MYT1L: variants seen among roughly 807,000 people sequenced by gnomAD.
The protein encoded by MYT1L is myelin transcription factor 1-like protein.
In MYT1L, 12 loss-of-function variants were observed where a neutral mutation model predicts 126.7. The ratio of observed to expected loss-of-function variants is 0.09; its 90% CI spans 0.06 to 0.15. The LOEUF (loss-of-function observed/expected upper bound fraction) is 0.15, where lower values mean the gene tolerates loss of function less well. Ranked by LOEUF, MYT1L falls within the 10% of genes least tolerant of loss-of-function variation. The probability of loss-of-function intolerance (pLI) is 1.00; values close to 1 mark genes in which losing one functional copy is unlikely to be tolerated. For missense variants in MYT1L, 979 were observed against 1,585.2 expected (o/e 0.62, Z 6.49); for synonymous variants, 541 against 604.2 (o/e 0.90, Z 1.53).
chr2:2,209,557 T>C (rs1164454217), intron 2 of MYT1L, among the ~76,000 whole-genome samples: 1 of 152,244 alleles, frequency 6.6e-6, no homozygotes, highest in East Asian at 1.9e-4. Flanking sequence ...GTTCTAACCA[T>C]GTTCTTGTAA....
intron 3 of MYT1L, among the ~76,000 whole-genome samples, chr2:2,101,179 A>G (rs533220111): frequency 6.6e-6 from 1 of 152,268 alleles, no homozygotes; most frequent in Admixed American, 6.5e-5. Context: ...TTTGAGAGAA[A>G]GTGAATTTTA....
At chr2:1,820,023 G>A (rs2038277623) in intron 21 of MYT1L, among the ~76,000 whole-genome samples, 1 of 137,364 alleles carries the variant, frequency 7.3e-6, no homozygotes, top group Admixed American at 7.2e-5. Context: ...GCAGAGGGCA[G>A]AGGGCAGTGG....
intron 3 of MYT1L, among the ~76,000 whole-genome samples, chr2:2,145,090 G>A (rs1359086414): frequency 1.3e-5 from 2 of 152,172 alleles, no homozygotes; most frequent in Non-Finnish European, 2.9e-5. Flanking sequence ...TCTCTTACAA[G>A]GGCAAGAACC....
chr2:1,892,028 C>T lies in MYT1L; in HGVS notation c.2283+9G>A, dbSNP rs561338508. On this transcript the variant is annotated intron_variant, in intron 15 of 24. Coordinates refer to ENST00000647738, the MANE Select transcript of MYT1L (RefSeq NM_001303052.2). ...CGCCAGGTGGCTCCACCTGCCCAGG[C>T]GCGCGTACCCGCGTGGCGCACAGGT... is the stretch of plus-strand genomic sequence containing the variant. The T allele has an allele frequency of 8.6e-6, 13 of 1,512,148 alleles. No individual in the cohort carries two copies. In the South Asian group the frequency reaches 1.5e-4, roughly 17 times the overall value. 93.7% of individuals were successfully genotyped at this position (1,512,148 alleles called of 1,614,324 possible).
intron 4 of MYT1L, among the ~76,000 whole-genome samples, chr2:2,020,951 C>G (rs113998990): frequency 0.015 from 2,317 of 152,332 alleles, 51 homozygotes; most frequent in African/African-American, 0.049. Flanking sequence ...TCCAGAAGAC[C>G]GAGGACCTTC....
chr2:1,969,944 T>C (rs539963268), intron 8 of MYT1L, among the ~76,000 whole-genome samples: 1 of 152,210 alleles, frequency 6.6e-6, no homozygotes, highest in Non-Finnish European at 1.5e-5. Flanking sequence ...TTCCAGGTAC[T>C]GCAGGCAGCA....
chr2:2,326,234 A>G (rs2096244702), intron 1 of MYT1L: 1 of 152,330 alleles, frequency 6.6e-6, no homozygotes, highest in African/African-American at 2.4e-5. Flanking sequence ...GAGAGTCGAG[A>G]GCAGAACAGC....
At position 1,892,200 on chromosome 2, in the gene MYT1L, C is replaced by A. The variant is rs1477424656; in HGVS notation, c.2120G>T (p.Gly707Val). 1.3e-6 allele frequency: 2 copies of A among 1,549,928 alleles called. No individual in the cohort carries two copies. The highest frequency in any genetic ancestry group is 1.7e-6 in the Non-Finnish European group (2 of 1,146,562). ...GCACGTGCTGCTGGCGCTGCTGCCCCCGCCGCAGCTCAGGTTGCTGCTGCT... is the reference window on the plus strand; with the variant it reads ...GCACGTGCTGCTGGCGCTGCTGCCCACGCCGCAGCTCAGGTTGCTGCTGCT... ...PSSSSNLSCG[G>V]GSSASSTCSK... The change falls in exon 15 of 25, where the codon GGG becomes GTG. Residue 707 changes from glycine (G) to valine (V), a missense_variant. Physicochemically the swap from Gly to Val is moderately radical, Grantham distance 109. This residue lies in a region of MYT1L where 57 missense variants were observed against 60.3 expected (regional missense o/e 0.94). Coordinates refer to ENST00000647738, the MANE Select transcript of MYT1L (RefSeq NM_001303052.2).
intron 2 of MYT1L, among the ~76,000 whole-genome samples, chr2:2,265,856 C>A (rs2095115088): frequency 1.3e-5 from 2 of 152,122 alleles, no homozygotes; most frequent in Admixed American, 6.5e-5. Context: ...CTGATGGGAT[C>A]TGGGGCCCTA....
At chr2:2,329,094 A>T (rs1448417922) in intron 1 of MYT1L, among the ~76,000 whole-genome samples, 3 of 152,230 alleles carry the variant, frequency 2.0e-5, no homozygotes, top group African/African-American at 7.2e-5. Context: ...GCCTGCTCAC[A>T]ATAGCTCACT....
intron 2 of MYT1L, among the ~76,000 whole-genome samples, chr2:2,194,824 G>A (rs1017090291): frequency 2.6e-5 from 4 of 152,188 alleles, no homozygotes; most frequent in African/African-American, 4.8e-5. Context: ...TTAAAAATTG[G>A]ATAAATGTAT....
chr2:2,321,635 C>T (rs2096168646), intron 1 of MYT1L, among the ~76,000 whole-genome samples: 2 of 152,066 alleles, frequency 1.3e-5, no homozygotes, highest in South Asian at 2.1e-4. Context: ...GTTGAGATAA[C>T]GGCATGAAGG....
At chr2:2,327,930 T>C (rs2096261461) in intron 1 of MYT1L, among the ~76,000 whole-genome samples, 1 of 152,178 alleles carries the variant, frequency 6.6e-6, no homozygotes, top group African/African-American at 2.4e-5. Flanking sequence ...AGATTGTATA[T>C]TATGTATTTC....
chr2:2,318,150 A>T (rs1208243054), intron 1 of MYT1L, among the ~76,000 whole-genome samples: 1 of 152,230 alleles, frequency 6.6e-6, no homozygotes, highest in Non-Finnish European at 1.5e-5. Context: ...TGAAAATGTA[A>T]AGCATGAAAT....
chr2:1,793,551 C>T lies in MYT1L; in HGVS notation c.3277-1087G>A, dbSNP rs990631514. ...CCCTGCCTTCTCCTATGTTCTGGCC[C>T]TCCCTTGGCTGTACTGGGTCAAATC... On this transcript the variant is annotated intron_variant, in intron 23 of 24. Coordinates refer to ENST00000647738, the MANE Select transcript of MYT1L (RefSeq NM_001303052.2). This position sits in a 1 kb window ranked among gnomAD's most constrained non-coding sequence, Gnocchi z 4.6. 2.0e-5 allele frequency among the ~76,000 whole-genome samples: 3 copies of T among 152,212 alleles called. No homozygotes were observed. Among genetic ancestry groups the T allele is most frequent in the Non-Finnish European group, 2.9e-5 (2 of 68,044 alleles).
At chr2:2,305,782 G>T (rs146791185) in intron 1 of MYT1L, among the ~76,000 whole-genome samples, 12 of 152,068 alleles carry the variant, frequency 7.9e-5, no homozygotes, top group African/African-American at 2.9e-4. Flanking sequence ...GGGAAGTGTG[G>T]CCCACTTTCA....
intron 2 of MYT1L, among the ~76,000 whole-genome samples, chr2:2,189,811 C>G (rs1281415092): frequency 2.0e-5 from 3 of 150,854 alleles, no homozygotes; most frequent in Non-Finnish European, 2.9e-5. Flanking sequence ...CAGGACCGCA[C>G]GGGGAGAAGC....
intron 15 of MYT1L, among the ~76,000 whole-genome samples, chr2:1,891,621 A>T (rs1005699715): frequency 6.6e-6 from 1 of 152,200 alleles, no homozygotes; most frequent in African/African-American, 2.4e-5. Context: ...CCATAGGCAG[A>T]TCCCTGCATT....
At chr2:1,933,220 G>C (rs928886455) in intron 9 of MYT1L, among the ~76,000 whole-genome samples, 1 of 151,632 alleles carries the variant, frequency 6.6e-6, no homozygotes, top group Non-Finnish European at 1.5e-5. Context: ...CCCTTCTGCA[G>C]AGAACCCAGG....
Sources: allele counts gnomAD v4.1 joint callset (sites outside exome capture counted in the v4.1 genomes callset), GRCh38; gene constraint gnomAD v4.1.1; regional missense constraint gnomAD v4.1.1; non-coding constraint Gnocchi (gnomAD v3.1); transcripts MANE v1.5; gene names NCBI Gene and HGNC (gene_info 2026-07-23, HGNC 2026-07-21).